The following SHC2 variants were observed in gnomAD, a reference collection of about 807,000 sequenced individuals.
SHC2 encodes SHC-transforming protein 2.
Under a neutral mutation model 60.6 loss-of-function variants are expected in SHC2, and 62 were observed. That is an observed-to-expected ratio of 1.02 (90% CI 0.83 to 1.26). The LOEUF (loss-of-function observed/expected upper bound fraction) is 1.26. Among genes scored for constraint, SHC2 ranks in the 50% most tolerant of loss-of-function variants. SHC2 has a pLI of 0.00. For missense variants in SHC2, 873 were observed against 822.2 expected (o/e 1.06, Z -0.76); for synonymous variants, 375 against 372.4 (o/e 1.01, Z -0.08).
intron 9 of SHC2, among the ~76,000 whole-genome samples, chr19:430,277 C>T (rs553852623): frequency 2.0e-5 from 3 of 150,176 alleles, no homozygotes; most frequent in Admixed American, 6.6e-5. Context: ...TGACGCAGTA[C>T]CTATACCCCA....
rs556270155 is a variant in SHC2, at chr19:455,582, G to A, written c.468+4947C>T. Among the ~76,000 whole-genome samples the A allele has an allele frequency of 4.6e-5, 7 of 152,362 alleles. No homozygotes were observed. The East Asian group carries it at 5.8e-4, about 13-fold the overall frequency. ...GCTGCAGGATTCTGGGGGGTTCTGCGATGCCGGCTGAGTCGCCCGGCCCAT... is the reference window on the plus strand; with the variant it reads ...GCTGCAGGATTCTGGGGGGTTCTGCAATGCCGGCTGAGTCGCCCGGCCCAT... On this transcript the variant is annotated intron_variant, in intron 1 of 12. Transcript: ENST00000264554.
At position 425,728 on chromosome 19, in the gene SHC2, G is replaced by A. The variant is rs1040768952; in HGVS notation, c.1175-497C>T. On this transcript the variant is annotated intron_variant, in intron 9 of 12. Coordinates refer to ENST00000264554, the MANE Select transcript of SHC2 (RefSeq NM_012435.3). The surrounding 1 kb of genome is among the most constrained non-coding windows in gnomAD (Gnocchi z 4.1). ...TTCTTTTTTTAATTGTATTTTGAAC[G>A]TGTAAAGTGTTTACATGGGGCCGGG... 3.3e-5 allele frequency among the ~76,000 whole-genome samples: 5 copies of A among 151,974 alleles called. No individual in the cohort carries two copies. Among genetic ancestry groups the A allele is most frequent in the East Asian group, 1.9e-4 (1 of 5,190 alleles).
In SHC2 at chr19:422,402, G is replaced by C. The variant is rs781754399; in HGVS notation, c.1364C>G (p.Thr455Arg). Residue 455 changes from threonine (T) to arginine (R), a missense_variant, in exon 11 of 13, where the codon ACA (threonine) becomes AGA (arginine). By Grantham distance (71) the Thr-to-Arg change is moderately conservative. Coordinates refer to ENST00000264554, the MANE Select transcript of SHC2 (RefSeq NM_012435.3). This position sits in a 1 kb window ranked among gnomAD's most constrained non-coding sequence, Gnocchi z 5.0. ...GTCCTCCAAGGGAAGAGGGGCTGCT[G>C]TCACGCCTGCCGCCACTGAGCACTC... ...LHECSVAAGV[T>R]AAPLPLEDQW... 11 of 1,594,536 alleles carry C rather than the reference G, an allele frequency of 6.9e-6. No individual in the cohort carries two copies. Among genetic ancestry groups the C allele is most frequent in the African/African-American group, 5.4e-5 (4 of 74,572 alleles).
chr19:441,178 C>G lies in SHC2; in HGVS notation c.469-246G>C. ...GCTGTTTCTCAGGAGCCTGGTGGTT[C>G]CCCCAGACGCTCTATGCTGCTTGTT... On this transcript the variant is annotated intron_variant, in intron 1 of 12. Transcript: ENST00000264554. The surrounding 1 kb of genome is among the most constrained non-coding windows in gnomAD (Gnocchi z 4.9). 1 of 984,496 alleles carries G rather than the reference C, an allele frequency of 1.0e-6. No individual in the cohort carries two copies. The highest frequency in any genetic ancestry group is 6.1e-5 in the Admixed American group (1 of 16,274). 61.0% of individuals were successfully genotyped at this position (984,496 alleles called of 1,614,324 possible). A position where few individuals can be genotyped will look rare whatever the true frequency, so the allele number is the denominator to read the frequency against.
rs112075865 is a variant in SHC2 at position 448,106 on chromosome 19, C to T, written c.469-7174G>A. ...CGAGTGGCTCCCGGGGCGTGCACTG[C>T]GACGTCCCCATGCACCCGAGTCCCA... On this transcript the variant is annotated intron_variant, in intron 1 of 12. Coordinates refer to ENST00000264554, the MANE Select transcript of SHC2 (RefSeq NM_012435.3). Among the ~76,000 whole-genome samples, 565 of 152,338 alleles carry T rather than the reference C, an allele frequency of 3.7e-3. 3 individuals carry two copies. Among genetic ancestry groups the T allele is most frequent in the South Asian group, 0.012 (58 of 4,826 alleles).
At chr19:444,696 A>G (rs1223182461) in intron 1 of SHC2, among the ~76,000 whole-genome samples, 1 of 152,192 alleles carries the variant, frequency 6.6e-6, no homozygotes, top group African/African-American at 2.4e-5. Context: ...ACACCTCGCT[A>G]ACTCAGGGCG....
chr19:457,655 T>C (rs1461904653), intron 1 of SHC2, among the ~76,000 whole-genome samples: 1 of 152,158 alleles, frequency 6.6e-6, no homozygotes, highest in African/African-American at 2.4e-5. Flanking sequence ...ATGCTAAATA[T>C]TTCCTGCAGT....
chr19:429,089 A>G (rs2145703962), intron 9 of SHC2, among the ~76,000 whole-genome samples: 1 of 148,712 alleles, frequency 6.7e-6, no homozygotes, highest in East Asian at 2.0e-4. Context: ...CGTGTGGATG[A>G]TGCGGTACCT....
At chr19:457,127 A>T (rs112244019) in intron 1 of SHC2, among the ~76,000 whole-genome samples, 48 of 82,394 alleles carry the variant, frequency 5.8e-4, no homozygotes, top group Middle Eastern at 0.012. Flanking sequence ...CTGTGCCCCG[A>T]CTAGAACTCT....
Position 460,762 on chromosome 19 carries a change from C to T in SHC2, c.235G>A (p.Val79Ile), listed in dbSNP as rs1975531226. 5.1e-6 allele frequency: 5 copies of T among 979,186 alleles called. No homozygotes were observed. The South Asian group carries it at 1.4e-4, about 27-fold the overall frequency. 60.7% of individuals were successfully genotyped at this position (979,186 alleles called of 1,614,324 possible). ...CAGCGGGGCTCGCAGGCGCCCAGGA[C>T]GGCGGCCGCCAGCGCCGGGACGCCC... Reference protein sequence around the residue: ...PGGVPALAAAVLGACEPRCAA... With the variant: ...PGGVPALAAAILGACEPRCAA... Residue 79 changes from valine to isoleucine, a missense_variant, in exon 1 of 13, where the codon GTC (valine) becomes ATC (isoleucine). Val to Ile is a conservative substitution (Grantham distance 29). Coordinates refer to ENST00000264554, the MANE Select transcript of SHC2 (RefSeq NM_012435.3).
chr19:441,032 T>C lies in SHC2; in HGVS notation c.469-100A>G. ...TTCGCCGCCTCCACCACCCCTGGGG[T>C]CGAGCCCTTTCCTCTGTCCCTGGTG... On this transcript the variant is annotated intron_variant, in intron 1 of 12. Transcript: ENST00000264554. The surrounding 1 kb of genome is among the most constrained non-coding windows in gnomAD (Gnocchi z 4.9). 3 of 1,530,720 alleles carry C rather than the reference T, an allele frequency of 2.0e-6. No individual in the cohort carries two copies. Among genetic ancestry groups the C allele is most frequent in the Non-Finnish European group, 2.7e-6 (3 of 1,116,656 alleles). The allele number at this position is 1,530,720 out of a possible 1,614,324, so 94.8% of individuals were successfully genotyped here.
At position 438,890 on chromosome 19, in the gene SHC2, G is replaced by A. The variant is rs1222627095; in HGVS notation, c.601-53C>T. On this transcript the variant is annotated intron_variant, in intron 3 of 12. Transcript: ENST00000264554. The surrounding 1 kb of genome is among the most constrained non-coding windows in gnomAD (Gnocchi z 5.0). The stretch of plus-strand genomic sequence containing the variant: ...GCGGCTGTGGGTGGGGGCTGTCGAG[G>A]GGCTCCCAGGATGGCCGCAGCGTCC... 2 of 1,552,548 alleles carry A rather than the reference G, an allele frequency of 1.3e-6. No individual in the cohort carries two copies. Among genetic ancestry groups the A allele is most frequent in the Non-Finnish European group, 8.7e-7 (1 of 1,147,386 alleles).
At chr19:427,283 G>A (rs559441115) in intron 9 of SHC2, among the ~76,000 whole-genome samples, 304 of 152,348 alleles carry the variant, frequency 2.0e-3, no homozygotes, top group Non-Finnish European at 2.7e-3. Context: ...GCCGCCTCCA[G>A]GGTGGACTGG....
At position 454,660 on chromosome 19, in the gene SHC2, G is replaced by C. The variant is rs551295683; in HGVS notation, c.468+5869C>G. 9.9e-4 allele frequency among the ~76,000 whole-genome samples: 150 copies of C among 152,278 alleles called. 1 individual carries two copies. Among genetic ancestry groups the C allele is most frequent in the African/African-American group, 3.6e-3 (148 of 41,556 alleles). On this transcript the variant is annotated intron_variant, in intron 1 of 12. Coordinates refer to ENST00000264554, the MANE Select transcript of SHC2 (RefSeq NM_012435.3). ...ACAAAATTAGCTGAGCATGGTGGCG[G>C]GCGCCTGTAGTCCCAGCTACTCAGG...
rs1365981682 is a variant in SHC2 at position 425,964 on chromosome 19, GATTGCAGTGAGCTGAGATTGTGCC to G, written c.1175-757_1175-734del. Among the ~76,000 whole-genome samples, 2 of 150,270 alleles carry G rather than the reference GATTGCAGTGAGCTGAGATTGTGCC, an allele frequency of 1.3e-5. No homozygotes were observed. The highest frequency in any genetic ancestry group is 4.9e-5 in the African/African-American group (2 of 40,666). ...GAATCACTTGAATTCAGGACGCACA[GATTGCAGTGAGCTGAGATTGTGCC>G]ATTGCAGTCCAGCCTGGGCAACAGA... On this transcript the variant is annotated intron_variant, in intron 9 of 12. Coordinates refer to ENST00000264554, the MANE Select transcript of SHC2 (RefSeq NM_012435.3). The surrounding 1 kb of genome is among the most constrained non-coding windows in gnomAD (Gnocchi z 4.1).
intron 9 of SHC2, among the ~76,000 whole-genome samples, chr19:429,825 C>CA (rs1422413282): frequency 3.4e-5 from 5 of 148,548 alleles, no homozygotes; most frequent in African/African-American, 1.2e-4. Context: ...GTGTGGATGA[C>CA]ACAGTACCTA....
rs564215367 is a variant in SHC2, at chr19:449,591, G to A, written c.469-8659C>T. On this transcript the variant is annotated intron_variant, in intron 1 of 12. Transcript: ENST00000264554. ...GTGTTTGAGGGTAGAGGGGTATCAC[G>A]GCTGCAGACTTTCTCAATTGTTCAT... Among the ~76,000 whole-genome samples the A allele has an allele frequency of 8.5e-5, 13 of 152,052 alleles. No homozygotes were observed. The South Asian group carries it at 1.0e-3, about 12-fold the overall frequency.
At chr19:418,495 C>A (rs1479148599) in intron 12 of SHC2, among the ~76,000 whole-genome samples, 1 of 152,248 alleles carries the variant, frequency 6.6e-6, no homozygotes, top group Non-Finnish European at 1.5e-5. Context: ...AAAACGTGGT[C>A]CCCTCACACA....
Position 422,075 on chromosome 19 carries a change from C to G in SHC2, c.1620+71G>C, listed in dbSNP as rs1266473136. On this transcript the variant is annotated intron_variant, in intron 11 of 12. Coordinates refer to ENST00000264554, the MANE Select transcript of SHC2 (RefSeq NM_012435.3). This position sits in a 1 kb window ranked among gnomAD's most constrained non-coding sequence, Gnocchi z 5.0. Reference sequence around the variant, plus strand: ...TGCCCAGCGAAGCCCCTGGATGCCCCGAGACCCTCCCACCTGTGCCCAGCG... The same window carrying G: ...TGCCCAGCGAAGCCCCTGGATGCCCGGAGACCCTCCCACCTGTGCCCAGCG... 1 of 229,416 alleles carries G rather than the reference C, an allele frequency of 4.4e-6. No homozygotes were observed. The highest frequency in any genetic ancestry group is 2.1e-4 in the East Asian group (1 of 4,788). 14.2% of individuals were successfully genotyped at this position (229,416 alleles called of 1,614,324 possible).
Sources: allele counts gnomAD v4.1 joint callset (sites outside exome capture counted in the v4.1 genomes callset), GRCh38; gene constraint gnomAD v4.1.1; non-coding constraint Gnocchi (gnomAD v3.1); transcripts MANE v1.5; gene names NCBI Gene and HGNC (gene_info 2026-07-23, HGNC 2026-07-21).